PGLS: variants seen among roughly 807,000 people sequenced by gnomAD.
The protein encoded by PGLS is epididymis secretory protein Li 304.
In PGLS, 21 loss-of-function variants were observed where a neutral mutation model predicts 23.2. That is an observed-to-expected ratio of 0.91 (90% CI 0.64 to 1.31). PGLS has a LOEUF of 1.31. PGLS is among the 50% of genes most tolerant of loss of function. PGLS has a pLI of 0.00. For synonymous variants in PGLS, 179 were observed against 165.4 expected, an observed-to-expected ratio of 1.08 and a Z score of -0.63; for missense variants, 410 against 354.0, an observed-to-expected ratio of 1.16 and a Z score of -1.27.
intron 4 of PGLS, 46 bp downstream of exon 4, chr19:17,517,896 G>A: frequency 6.2e-7 from 1 of 1,605,482 alleles, no homozygotes; most frequent in Non-Finnish European, 8.5e-7. Context: ...GGGCATGTGG[G>A]CCCCAGGGAC....
chr19:17,512,344 G>A (rs1410133216), intron 1 of PGLS: 1 of 266,516 alleles, frequency 3.8e-6, no homozygotes, highest in Non-Finnish European at 7.3e-6. Flanking sequence ...TGCGCCCTCT[G>A]CCTTTATCTA....
rs1406206547 is a variant in PGLS, at chr19:17,520,926, T to C, written c.640-18T>C. The C allele has an allele frequency of 6.3e-7, 1 of 1,582,252 alleles. No homozygotes were observed. The highest frequency in any genetic ancestry group is 8.6e-7 in the Non-Finnish European group (1 of 1,163,204). On this transcript the variant is annotated intron_variant, in intron 4 of 4. Transcript: ENST00000252603. ...CTGGGCCGCAGGCAGGGCCTTACTCTTCTGCCCTCTTCTTCAGCGCATTTT... is the reference window on the plus strand; with the variant it reads ...CTGGGCCGCAGGCAGGGCCTTACTCCTCTGCCCTCTTCTTCAGCGCATTTT...
intron 1 of PGLS, chr19:17,512,364 A>G (rs887810455): frequency 7.0e-5 from 15 of 214,956 alleles, no homozygotes; most frequent in Admixed American, 1.8e-4. Flanking sequence ...AGGCAGGGCT[A>G]GAAATGGTCT....
intron 2 of PGLS, among the ~76,000 whole-genome samples, chr19:17,516,815 C>A (rs1222030669): frequency 6.6e-6 from 1 of 151,374 alleles, no homozygotes; most frequent in Non-Finnish European, 1.5e-5. Context: ...TCTCGATCTC[C>A]TGACCTCGTG....
Position 17,521,195 on chromosome 19 carries a change from G to T in PGLS, c.*114G>T. 3.6e-6 allele frequency: 4 copies of T among 1,114,648 alleles called. No homozygotes were observed. Among genetic ancestry groups the T allele is most frequent in the Non-Finnish European group, 5.0e-6 (4 of 803,588 alleles). 69.0% of individuals were successfully genotyped at this position (1,114,648 alleles called of 1,614,324 possible). A position where few individuals can be genotyped will look rare whatever the true frequency, so the allele number is the denominator to read the frequency against. ...AAAAAGCCACGTCGTGCTGCTGCTG[G>T]AAGCCAACAGCCTCCGGCCAGCAGC... On this transcript the variant is annotated 3_prime_UTR_variant, in exon 5 of 5. Transcript: ENST00000252603.
rs758540122 is a variant in PGLS, at chr19:17,521,119, G to A, written c.*38G>A. On this transcript the variant is annotated 3_prime_UTR_variant, in exon 5 of 5. Coordinates refer to ENST00000252603, the MANE Select transcript of PGLS (RefSeq NM_012088.3). ...ACGCCGCAGCTGGGACCAGGCACGCGGCCCATGGGGCTGGGCCCCTGCTGG... is the reference window on the plus strand; with the variant it reads ...ACGCCGCAGCTGGGACCAGGCACGCAGCCCATGGGGCTGGGCCCCTGCTGG... 68 of 1,535,886 alleles carry A rather than the reference G, an allele frequency of 4.4e-5. No individual in the cohort carries two copies. The highest frequency in any genetic ancestry group is 5.3e-5 in the Non-Finnish European group (60 of 1,136,548).
At chr19:17,514,060 G>A (rs1037787332) in intron 1 of PGLS, among the ~76,000 whole-genome samples, 1 of 152,166 alleles carries the variant, frequency 6.6e-6, no homozygotes, top group African/African-American at 2.4e-5. Flanking sequence ...GAATCATATC[G>A]GTTCCCTAGG....
intron 4 of PGLS, among the ~76,000 whole-genome samples, chr19:17,519,002 C>T (rs776497161): frequency 1.3e-5 from 2 of 152,104 alleles, no homozygotes; most frequent in Middle Eastern, 3.4e-3. Context: ...GGGAACATCA[C>T]GAGAACTCAT....
chr19:17,512,073 G>C (rs2075510605), intron 1 of PGLS, 113 bp downstream of exon 1: 3 of 1,154,152 alleles, frequency 2.6e-6, no homozygotes, highest in East Asian at 3.1e-5. Flanking sequence ...CCCACTGTCT[G>C]CACCTCGGCT....
intron 4 of PGLS, among the ~76,000 whole-genome samples, chr19:17,519,346 CCTT>C (rs2075547321): frequency 6.6e-6 from 1 of 151,658 alleles, no homozygotes; most frequent in Non-Finnish European, 1.5e-5. Context: ...GAATAATACT[CCTT>C]GACCTTGTGA....
chr19:17,519,139 C>A (rs1011264250), intron 4 of PGLS, among the ~76,000 whole-genome samples: 2 of 151,464 alleles, frequency 1.3e-5, no homozygotes, highest in Non-Finnish European at 2.9e-5. Flanking sequence ...CATGGCGAAA[C>A]CCTGTCTCTA....
At chr19:17,520,709 A>T (rs2099117) in intron 4 of PGLS, 5 of 348,874 alleles carry the variant, frequency 1.4e-5, no homozygotes, top group East Asian at 4.4e-5. Context: ...CCAGCCTGGG[A>T]GACAGAGTGA....
At chr19:17,516,101 C>A in intron 1 of PGLS, 72 bp from the exon 2 acceptor site, 2 of 1,129,002 alleles carry the variant, frequency 1.8e-6, no homozygotes, top group Non-Finnish European at 2.7e-6. Flanking sequence ...TATGACGGTA[C>A]TGTCATAAAC....
At chr19:17,516,032 AC>A in intron 1 of PGLS, 140 bp from the exon 2 acceptor site, 1 of 633,114 alleles carries the variant, frequency 1.6e-6, no homozygotes, top group Non-Finnish European at 2.9e-6. Flanking sequence ...CAACCGAAGG[AC>A]CTTGCACAAA....
intron 3 of PGLS, 76 bp downstream of exon 3, chr19:17,517,465 C>T: frequency 8.2e-7 from 1 of 1,215,384 alleles, no homozygotes; most frequent in East Asian, 2.3e-5. Context: ...GAGGGAGAGC[C>T]ACCTGCCGGG....
In PGLS at chr19:17,511,956, A is replaced by G; in HGVS notation, c.284A>G (p.Tyr95Cys). The change falls in exon 1 of 5, where the codon TAC becomes TGC. Residue 95 changes from tyrosine to cysteine, a missense_variant. By Grantham distance (194) the Tyr-to-Cys change is radical (BLOSUM62 -2). Transcript: ENST00000252603. The stretch of plus-strand genomic sequence containing the variant: ...CACGCCGAGAGCACGTACGGCCTCT[A>G]CCGGGTGAGAGCTACGGGGGCCGCC... ...FDHAESTYGL[Y>C]RTHLLSRLPI... is the part of the protein sequence containing the mutation. 6.5e-7 allele frequency: 1 copy of G among 1,547,558 alleles called. No individual in the cohort carries two copies. Among genetic ancestry groups the G allele is most frequent in the Non-Finnish European group, 8.7e-7 (1 of 1,148,450 alleles).
chr19:17,514,059 C>T (rs940399602), intron 1 of PGLS, among the ~76,000 whole-genome samples: 23 of 150,218 alleles, frequency 1.5e-4, no homozygotes, highest in Admixed American at 3.3e-4. Flanking sequence ...GGAATCATAT[C>T]GGTTCCCTAG....
In PGLS at chr19:17,511,978, C is replaced by T. The variant is rs2075509869; in HGVS notation, c.288+18C>T. 2 of 1,532,494 alleles carry T rather than the reference C, an allele frequency of 1.3e-6. No homozygotes were observed. The highest frequency in any genetic ancestry group is 1.8e-6 in the Non-Finnish European group (2 of 1,141,262). 94.9% of individuals were successfully genotyped at this position (1,532,494 alleles called of 1,614,324 possible). A position where few individuals can be genotyped will look rare whatever the true frequency, so the allele number is the denominator to read the frequency against. On this transcript the variant is annotated intron_variant, in intron 1 of 4. Transcript: ENST00000252603. ...TCTACCGGGTGAGAGCTACGGGGGC[C>T]GCCGGGGATCACGCCGAGAGGGCCA... is the stretch of plus-strand genomic sequence containing the variant.
rs368232818 is a variant in PGLS at position 17,511,703 on chromosome 19, G to A, written c.31G>A (p.Val11Met). ...CGCGCCGGCCCCGGGCCTCATCTCG[G>A]TGTTCTCGAGTTCCCAGGAGCTGGG... MAAPAPGLIS[V>M]FSSSQELGAA... Residue 11 changes from valine (V) to methionine (M), a missense_variant, in exon 1 of 5, where the codon GTG becomes ATG. Transcript: ENST00000252603. 2.2e-3 allele frequency: 3,374 copies of A among 1,509,386 alleles called. 9 individuals are homozygous for A. The highest frequency in any genetic ancestry group is 2.7e-3 in the Non-Finnish European group (3,102 of 1,135,710). 93.5% of individuals were successfully genotyped at this position (1,509,386 alleles called of 1,614,324 possible).
Sources: gnomAD v4.1 joint callset for allele counts (sites outside exome capture counted in the v4.1 genomes callset) on GRCh38, gnomAD v4.1.1 for gene constraint, MANE v1.5 for transcripts, NCBI Gene and HGNC (gene_info 2026-07-23, HGNC 2026-07-21) for gene names.